PCDHA9: variants seen among roughly 807,000 people sequenced by gnomAD.
PCDHA9 encodes the protein protocadherin alpha 9.
Under a neutral mutation model 62.0 loss-of-function variants are expected in PCDHA9, and 62 were observed. The observed-to-expected ratio is 1.00, with a 90% CI of 0.81 to 1.23. The LOEUF (loss-of-function observed/expected upper bound fraction) is 1.23, where lower values mean the gene tolerates loss of function less well. Among genes scored for constraint, PCDHA9 ranks in the 50% most tolerant of loss-of-function variants. The pLI is 0.00. For missense variants in PCDHA9, 1,205 were observed against 1,249.8 expected (o/e 0.96, Z 0.54); for synonymous variants, 557 against 567.6 (o/e 0.98, Z 0.27).
intron 1 of PCDHA9, chr5:140,863,238 T>G (rs1367184463): frequency 9.1e-6 from 12 of 1,318,616 alleles, no homozygotes; most frequent in Non-Finnish European, 1.3e-5. Context: ...CATCGCGGGC[T>G]TTGGCGGGCG....
intron 1 of PCDHA9, chr5:140,969,131 A>G: frequency 6.2e-7 from 1 of 1,614,138 alleles, no homozygotes; most frequent in South Asian, 1.1e-5. Flanking sequence ...CTCCCTCACC[A>G]AGACCTACTG....
intron 1 of PCDHA9, among the ~76,000 whole-genome samples, chr5:140,950,831 TTAAGAC>T (rs1337916001): frequency 6.6e-6 from 1 of 152,128 alleles, no homozygotes; most frequent in Non-Finnish European, 1.5e-5. Flanking sequence ...GTTTGGTCCT[TTAAGAC>T]TATACATTTC....
intron 1 of PCDHA9, among the ~76,000 whole-genome samples, chr5:140,958,025 A>G (rs920360369): frequency 1.3e-5 from 2 of 152,150 alleles, no homozygotes; most frequent in Non-Finnish European, 2.9e-5. Flanking sequence ...CAAGTATACT[A>G]TGCTTTCTTT....
Position 140,857,655 on chromosome 5 carries a change from C to G in PCDHA9, c.2394+6766C>G, listed in dbSNP as rs782490979. 3.1e-6 allele frequency: 5 copies of G among 1,596,614 alleles called. No homozygotes were observed. The Admixed American group carries it at 6.7e-5, about 22-fold the overall frequency. ...GAGCTGCTACAGTTCCAGGTGAGCG[C>G]GCGCGATGGGGGCGTGCCGCCTCTG... On this transcript the variant is annotated intron_variant, in intron 1 of 3. Transcript: ENST00000532602.
intron 1 of PCDHA9, among the ~76,000 whole-genome samples, chr5:140,936,326 AT>A: frequency 6.6e-6 from 1 of 152,256 alleles, no homozygotes; most frequent in South Asian, 2.1e-4. Flanking sequence ...CATGCTATAA[AT>A]TTTCTCTATC....
chr5:140,850,254 G>C lies in PCDHA9; in HGVS notation c.1759G>C (p.Ala587Pro). 1 of 1,593,786 alleles carries C rather than the reference G, an allele frequency of 6.3e-7. No individual in the cohort carries two copies. The highest frequency in any genetic ancestry group is 8.6e-7 in the Non-Finnish European group (1 of 1,166,930). Residue 587 changes from alanine to proline, a missense_variant, in exon 1 of 4, where the codon GCC (alanine) becomes CCC (proline). Around this residue, in one of 3 missense-constraint regions of PCDHA9, gnomAD observed 887 missense variants for 809.5 expected, o/e 1.10. Coordinates refer to ENST00000532602, the MANE Select transcript of PCDHA9 (RefSeq NM_031857.2). ...CGAGATGGTGCTGCGGTCGGTGGGC[G>C]CCGGCGTAGTGGTGGGGAAGGTGCG... is the stretch of plus-strand genomic sequence containing the variant. ...VSEMVLRSVG[A>P]GVVVGKVRAV...
At chr5:140,971,038 A>G (rs948457676) in intron 1 of PCDHA9, among the ~76,000 whole-genome samples, 4 of 152,216 alleles carry the variant, frequency 2.6e-5, no homozygotes, top group Non-Finnish European at 5.9e-5. Context: ...GAAAGCACGT[A>G]AAAGGGTTTA....
chr5:140,897,415 A>G (rs2066090522), intron 1 of PCDHA9, among the ~76,000 whole-genome samples: 1 of 138,406 alleles, frequency 7.2e-6, no homozygotes, highest in South Asian at 2.3e-4. Context: ...TTCAATTCCC[A>G]TCTATGAGTG....
intron 1 of PCDHA9, chr5:140,875,562 G>A (rs2055601257): frequency 6.2e-7 from 1 of 1,614,120 alleles, no homozygotes; most frequent in Non-Finnish European, 8.5e-7. Context: ...GGAGCGGCCA[G>A]CTCCACTACT....
chr5:140,961,192 A>G (rs1322057564), intron 1 of PCDHA9, among the ~76,000 whole-genome samples: 1 of 152,170 alleles, frequency 6.6e-6, no homozygotes, highest in African/African-American at 2.4e-5. Flanking sequence ...ACAGGACCCT[A>G]GTGAGGTTGG....
chr5:140,905,120 G>T (rs1191513318), intron 1 of PCDHA9, among the ~76,000 whole-genome samples: 3 of 152,214 alleles, frequency 2.0e-5, no homozygotes, highest in African/African-American at 7.2e-5. Flanking sequence ...CTAAGCCAAT[G>T]TCTAGAAGAG....
intron 1 of PCDHA9, chr5:140,877,335 G>C (rs115718636): frequency 0.047 from 75,474 of 1,613,976 alleles, 2,017 homozygotes; most frequent in Middle Eastern, 0.086. Flanking sequence ...CGCACATCCC[G>C]TTCCACGTGG....
intron 1 of PCDHA9, among the ~76,000 whole-genome samples, chr5:140,955,453 C>T (rs1372474602): frequency 6.6e-6 from 1 of 152,012 alleles, no homozygotes; most frequent in Admixed American, 6.6e-5. Context: ...TTTATAAGGG[C>T]TTTTTCCTTT....
At chr5:140,974,335 G>T (rs1481372488) in intron 1 of PCDHA9, among the ~76,000 whole-genome samples, 2 of 152,158 alleles carry the variant, frequency 1.3e-5, no homozygotes, top group African/African-American at 4.8e-5. Context: ...GTGCTAGCAG[G>T]CTATGCATCC....
intron 1 of PCDHA9, chr5:140,866,754 G>A (rs540571091): frequency 1.1e-4 from 17 of 152,256 alleles, no homozygotes; most frequent in Non-Finnish European, 2.2e-4. Context: ...ATGACTAACA[G>A]GACATACAGG....
At chr5:140,890,886 A>G (rs1332125590) in intron 1 of PCDHA9, among the ~76,000 whole-genome samples, 3 of 151,952 alleles carry the variant, frequency 2.0e-5, no homozygotes, top group Admixed American at 1.3e-4. Flanking sequence ...TTCATCAGGG[A>G]TTATTGTCTT....
chr5:140,918,282 C>G (rs2078612020), intron 1 of PCDHA9, among the ~76,000 whole-genome samples: 1 of 152,016 alleles, frequency 6.6e-6, no homozygotes, highest in Non-Finnish European at 1.5e-5. Flanking sequence ...GATGTAGGAG[C>G]TTTTTGGCAG....
intron 1 of PCDHA9, chr5:140,876,134 A>T: frequency 6.2e-7 from 1 of 1,613,962 alleles, no homozygotes; most frequent in Non-Finnish European, 8.5e-7. Flanking sequence ...GGTAAACCAG[A>T]ACTAACAGGG....
intron 1 of PCDHA9, among the ~76,000 whole-genome samples, chr5:140,957,285 G>GT (rs1554222913): frequency 6.6e-6 from 1 of 152,144 alleles, no homozygotes; most frequent in Non-Finnish European, 1.5e-5. Flanking sequence ...CTTACCTGCA[G>GT]TTTCACTCTG....
Sources: gnomAD v4.1 joint callset for allele counts (sites outside exome capture counted in the v4.1 genomes callset) on GRCh38, gnomAD v4.1.1 for gene constraint, gnomAD v4.1.1 regional missense constraint, MANE v1.5 for transcripts, NCBI Gene and HGNC (gene_info 2026-07-23, HGNC 2026-07-21) for gene names.